The following DPH6 variants were observed in gnomAD, a reference collection of about 807,000 sequenced individuals.
DPH6 encodes the protein diphthamine biosynthesis 6, also known as diphthine--ammonia ligase.
DPH6 carries 33 observed loss-of-function variants against 38.2 expected under a neutral mutation model. The ratio of observed to expected loss-of-function variants is 0.86; its 90% confidence interval spans 0.65 to 1.15. The LOEUF (loss-of-function observed/expected upper bound fraction) is 1.15. Among genes scored for constraint, DPH6 ranks in the 50% most tolerant of loss-of-function variants. The pLI is 0.00. For synonymous variants in DPH6, 108 were observed against 103.0 expected (o/e 1.05, Z -0.30); for missense variants, 325 against 320.0 (o/e 1.02, Z -0.12).
chr15:35,425,972 C>T (rs2053565946), intron 5 of DPH6, among the ~76,000 whole-genome samples: 1 of 151,278 alleles, frequency 6.6e-6, no homozygotes. Flanking sequence ...TTTCCTTCCC[C>T]TGCTGTTATA....
intron 3 of DPH6, chr15:35,298,440 C>T (rs927140789): frequency 1.3e-6 from 1 of 752,198 alleles, no homozygotes. Context: ...AACACACTTT[C>T]CCCAACTTTG....
chr15:35,436,448 A>G (rs1007696610), intron 5 of DPH6, among the ~76,000 whole-genome samples: 6 of 147,566 alleles, frequency 4.1e-5, no homozygotes, highest in African/African-American at 1.5e-4. Flanking sequence ...CCTGGGAGAC[A>G]GAGTGAGACT....
chr15:35,520,745 T>C (rs566816483), intron 3 of DPH6: 1 of 984,626 alleles, frequency 1.0e-6, no homozygotes, highest in Admixed American at 6.2e-5. Flanking sequence ...TCAAACCAAG[T>C]AGAATATGTA....
At chr15:35,389,411 T>C (rs1303437014) in intron 6 of DPH6, among the ~76,000 whole-genome samples, 1 of 152,206 alleles carries the variant, frequency 6.6e-6, no homozygotes, top group East Asian at 1.9e-4. Context: ...ACTTTCTGTC[T>C]CATTGATCTG....
chr15:35,431,004 A>G (rs2053626100), intron 5 of DPH6, among the ~76,000 whole-genome samples: 1 of 152,090 alleles, frequency 6.6e-6, no homozygotes, highest in African/African-American at 2.4e-5. Flanking sequence ...TCCATTGAAA[A>G]CCATAGACTT....
chr15:35,182,479 T>C, the DPH6 span, among the ~76,000 whole-genome samples: 3 of 152,062 alleles, frequency 2.0e-5, no homozygotes, highest in Non-Finnish European at 2.9e-5. Flanking sequence ...CTAAAGGTGA[T>C]GTTCCTACTC....
Position 35,302,517 on chromosome 15 carries a change from T to A in DPH6, n.200+71004A>T, listed in dbSNP as rs184103320. 2.2e-4 allele frequency among the ~76,000 whole-genome samples: 33 copies of A among 152,302 alleles called. No homozygotes were observed. In the East Asian group the frequency reaches 6.4e-3, roughly 29 times the overall value. On this transcript the variant is annotated intron_variant and non_coding_transcript_variant, in intron 3 of 3. Transcript: ENST00000560386. Reference sequence around the variant, plus strand: ...AGACATTTATGAAGTATAGGCAGTGTTTATGAAAAAATCCATAAAATATGA... The same window carrying A: ...AGACATTTATGAAGTATAGGCAGTGATTATGAAAAAATCCATAAAATATGA...
At chr15:35,489,880 T>C in intron 3 of DPH6, 1 of 965,480 alleles carries the variant, frequency 1.0e-6, no homozygotes. Flanking sequence ...TTTTTAATGT[T>C]TTATACATTT....
intron 3 of DPH6, among the ~76,000 whole-genome samples, chr15:35,304,501 T>A (rs2052074841): frequency 6.6e-6 from 1 of 152,050 alleles, no homozygotes; most frequent in Admixed American, 6.5e-5. Context: ...AAATGGTACC[T>A]TTTTCATCTC....
At chr15:35,379,524 A>T (rs1255298410) in intron 7 of DPH6, among the ~76,000 whole-genome samples, 1 of 152,244 alleles carries the variant, frequency 6.6e-6, no homozygotes, top group African/African-American at 2.4e-5. Flanking sequence ...ATTGTATTAT[A>T]TGGAAGATTA....
intron 3 of DPH6, among the ~76,000 whole-genome samples, chr15:35,461,196 C>T (rs58198526): frequency 0.035 from 5,285 of 152,208 alleles, 292 homozygotes; most frequent in African/African-American, 0.12. Flanking sequence ...GCAATTCTCC[C>T]GCCTCAGCCT....
the DPH6 span, among the ~76,000 whole-genome samples, chr15:35,162,889 C>A: frequency 6.6e-6 from 1 of 151,822 alleles, no homozygotes; most frequent in Non-Finnish European, 1.5e-5. Flanking sequence ...ATGTGTTCTC[C>A]TTTAAATGAG....
Position 35,338,842 on chromosome 15 carries a change from CTATGCAGCCA to C in DPH6, n.208-7775_208-7766del, listed in dbSNP as rs1380506512. On this transcript the variant is annotated intron_variant and non_coding_transcript_variant, in intron 3 of 3. Transcript: ENST00000558973. The stretch of plus-strand genomic sequence containing the variant: ...TGTGGCACATATACACCATGGAATA[CTATGCAGCCA>C]TAAAAAATGATGAGTTCATGTCCTT... Among the ~76,000 whole-genome samples the C allele has an allele frequency of 2.0e-5, 3 of 152,280 alleles. No individual in the cohort carries two copies. In the East Asian group the frequency reaches 5.8e-4, roughly 29 times the overall value.
intron 3 of DPH6, among the ~76,000 whole-genome samples, chr15:35,223,924 T>A (rs926741260): frequency 2.0e-5 from 3 of 151,938 alleles, no homozygotes; most frequent in Non-Finnish European, 4.4e-5. Flanking sequence ...CACCTATTCA[T>A]CCCTCATTCC....
intron 3 of DPH6, among the ~76,000 whole-genome samples, chr15:35,236,985 A>G (rs975317314): frequency 6.6e-6 from 1 of 152,186 alleles, no homozygotes; most frequent in Admixed American, 6.5e-5. Flanking sequence ...TAAGTGGCTC[A>G]TCTCCATTAC....
intron 3 of DPH6, among the ~76,000 whole-genome samples, chr15:35,235,648 T>G: frequency 6.6e-6 from 1 of 152,198 alleles, no homozygotes; most frequent in East Asian, 1.9e-4. Flanking sequence ...GAGTGTGTGT[T>G]TCCCAAAATA....
At chr15:35,384,657 CTG>C (rs923780099) in intron 6 of DPH6, among the ~76,000 whole-genome samples, 22 of 133,078 alleles carry the variant, frequency 1.7e-4, no homozygotes, top group African/African-American at 6.8e-4. Flanking sequence ...GAGTGAAACT[CTG>C]TCTCAAAAAA....
chr15:35,286,013 A>C (rs2140441221), intron 3 of DPH6, among the ~76,000 whole-genome samples: 1 of 151,960 alleles, frequency 6.6e-6, no homozygotes, highest in East Asian at 1.9e-4. Flanking sequence ...TGCTATTAAT[A>C]ATCTTTGAGG....
Position 35,322,062 on chromosome 15 carries a change from C to T in DPH6, n.200+51459G>A, listed in dbSNP as rs916129171. Among the ~76,000 whole-genome samples, 8 of 152,102 alleles carry T rather than the reference C, an allele frequency of 5.3e-5. No homozygotes were observed. The East Asian group carries it at 5.8e-4, about 11-fold the overall frequency. On this transcript the variant is annotated intron_variant and non_coding_transcript_variant, in intron 3 of 3. Coordinates refer to the DPH6 transcript ENST00000560386. ...AGCCCTCATGCACTGAGTCTACCTCCGGTGGGGCTGCAGGACCAGCTGAGT... is the reference window on the plus strand; with the variant it reads ...AGCCCTCATGCACTGAGTCTACCTCTGGTGGGGCTGCAGGACCAGCTGAGT...
Sources: allele counts gnomAD v4.1 joint callset (sites outside exome capture counted in the v4.1 genomes callset), GRCh38; gene constraint gnomAD v4.1.1; transcripts MANE v1.5; gene names NCBI Gene and HGNC (gene_info 2026-07-23, HGNC 2026-07-21).